CDKAL1: variants seen among roughly 807,000 people sequenced by gnomAD.
CDKAL1 encodes CDKAL1 threonylcarbamoyladenosine tRNA methylthiotransferase, also known as threonylcarbamoyladenosine tRNA methylthiotransferase.
Under a neutral mutation model 68.2 loss-of-function variants are expected in CDKAL1, and 32 were observed. That is an observed-to-expected ratio of 0.47 (90% CI 0.35 to 0.63). The LOEUF (loss-of-function observed/expected upper bound fraction) is 0.63, where lower values mean the gene tolerates loss of function less well. Ranked by LOEUF, CDKAL1 falls within the 30% of genes least tolerant of loss-of-function variation. The pLI, the probability that CDKAL1 is intolerant of heterozygous loss-of-function variation, is 0.00. For synonymous variants in CDKAL1, 234 were observed against 244.3 expected (o/e 0.96, Z 0.39); for missense variants, 606 against 696.7 (o/e 0.87, Z 1.47).
intron 13 of CDKAL1, among the ~76,000 whole-genome samples, chr6:21,172,504 C>T (rs779914922): frequency 4.5e-4 from 68 of 152,290 alleles, no homozygotes; most frequent in Non-Finnish European, 9.3e-4. Context: ...AATCCCAACA[C>T]TTTGGGAGGC....
intron 4 of CDKAL1, among the ~76,000 whole-genome samples, chr6:20,616,791 C>T (rs975475168): frequency 2.0e-5 from 3 of 149,894 alleles, no homozygotes; most frequent in African/African-American, 4.9e-5. Flanking sequence ...ATCATTTAGC[C>T]CAGGAGTTCG....
At chr6:20,944,775 T>C (rs945043877) in intron 9 of CDKAL1, among the ~76,000 whole-genome samples, 1 of 152,244 alleles carries the variant, frequency 6.6e-6, no homozygotes, top group Admixed American at 6.5e-5. Context: ...GGTCAAGTTA[T>C]AGAACTGGTT....
chr6:20,626,451 A>C (rs1447683185), intron 4 of CDKAL1, among the ~76,000 whole-genome samples: 1 of 152,226 alleles, frequency 6.6e-6, no homozygotes, highest in Non-Finnish European at 1.5e-5. Flanking sequence ...AATATATAAC[A>C]TGTAATGTCA....
At chr6:20,952,191 C>T (rs1185915285) in intron 9 of CDKAL1, among the ~76,000 whole-genome samples, 1 of 152,080 alleles carries the variant, frequency 6.6e-6, no homozygotes, top group Non-Finnish European at 1.5e-5. Flanking sequence ...ATCTCCTGAC[C>T]TCGTGATCTG....
At chr6:20,976,816 ATGT>A (rs1312447840) in intron 10 of CDKAL1, among the ~76,000 whole-genome samples, 2 of 152,188 alleles carry the variant, frequency 1.3e-5, no homozygotes, top group East Asian at 3.8e-4. Flanking sequence ...GAGCGTCACG[ATGT>A]TGTTGCATAT....
At chr6:20,967,564 G>A (rs1765380798) in intron 10 of CDKAL1, among the ~76,000 whole-genome samples, 1 of 152,074 alleles carries the variant, frequency 6.6e-6, no homozygotes, top group African/African-American at 2.4e-5. Context: ...ACATATATAT[G>A]CAGTGTATGC....
intron 10 of CDKAL1, among the ~76,000 whole-genome samples, chr6:20,958,995 T>C (rs1764920965): frequency 6.6e-6 from 1 of 152,226 alleles, no homozygotes; most frequent in Non-Finnish European, 1.5e-5. Flanking sequence ...GATACATCTA[T>C]TGAGAATACA....
chr6:20,825,352 G>A (rs550654397), intron 8 of CDKAL1, among the ~76,000 whole-genome samples: 34 of 152,182 alleles, frequency 2.2e-4, no homozygotes, highest in Admixed American at 1.5e-3. Context: ...TTTACAGTGG[G>A]TTCTGTTGAG....
At chr6:20,666,264 TG>T (rs532799300) in intron 5 of CDKAL1, among the ~76,000 whole-genome samples, 66 of 141,490 alleles carry the variant, frequency 4.7e-4, no homozygotes, top group African/African-American at 1.8e-3. Context: ...TATTGGTTTT[TG>T]CCCACTAGAT....
intron 8 of CDKAL1, among the ~76,000 whole-genome samples, chr6:20,843,742 G>C (rs868838601): frequency 4.6e-5 from 7 of 152,280 alleles, no homozygotes; most frequent in South Asian, 2.1e-4. Context: ...CAGATTTTCA[G>C]ATTAGGAATG....
chr6:21,223,671 A>G (rs150325001), intron 15 of CDKAL1, among the ~76,000 whole-genome samples: 127 of 152,326 alleles, frequency 8.3e-4, no homozygotes, highest in African/African-American at 2.9e-3. Flanking sequence ...TGACTAAAGG[A>G]GGCAAAGGAA....
chr6:20,683,017 C>G (rs1770454886), intron 5 of CDKAL1, among the ~76,000 whole-genome samples: 1 of 145,742 alleles, frequency 6.9e-6, no homozygotes, highest in Non-Finnish European at 1.5e-5. Context: ...CAGTGACTTT[C>G]ACAGGTGCAA....
At chr6:21,095,676 CTA>C (rs1463995688) in intron 12 of CDKAL1, among the ~76,000 whole-genome samples, 3 of 151,304 alleles carry the variant, frequency 2.0e-5, no homozygotes, top group African/African-American at 7.3e-5. Context: ...CATCCACTGG[CTA>C]TCTCTGTGTA....
chr6:20,803,554 A>G lies in CDKAL1; in HGVS notation c.638+22289A>G, dbSNP rs78406392. 3.3e-3 allele frequency among the ~76,000 whole-genome samples: 497 copies of G among 152,324 alleles called. 7 individuals carry two copies. The East Asian group carries it at 0.045, about 14-fold the overall frequency. On this transcript the variant is annotated intron_variant, in intron 8 of 15. Transcript: ENST00000274695. ...AACTAAAAATAAGCCATTGGCGGTG[A>G]TAGTAAAGTGTTCATGGTAACCTGA...
chr6:20,670,966 C>T (rs181668844), intron 5 of CDKAL1, among the ~76,000 whole-genome samples: 1 of 152,224 alleles, frequency 6.6e-6, no homozygotes, highest in East Asian at 1.9e-4. Flanking sequence ...TTTCACAATT[C>T]CAAACTGTGT....
chr6:20,541,944 G>A (rs1489319660), intron 2 of CDKAL1, among the ~76,000 whole-genome samples: 2 of 152,248 alleles, frequency 1.3e-5, no homozygotes, highest in East Asian at 3.8e-4. Flanking sequence ...ACTGGCGTGA[G>A]CCACCGTTTC....
chr6:21,031,236 GCCCATT>G (rs1402852880), intron 11 of CDKAL1, among the ~76,000 whole-genome samples: 1 of 150,588 alleles, frequency 6.6e-6, no homozygotes, highest in Non-Finnish European at 1.5e-5. Context: ...GCTCCTAGCA[GCCCATT>G]CCCATGTGAC....
chr6:20,570,186 C>A (rs566879934), intron 4 of CDKAL1, among the ~76,000 whole-genome samples: 162 of 152,142 alleles, frequency 1.1e-3, no homozygotes, highest in African/African-American at 3.8e-3. Flanking sequence ...TCACTGCAAC[C>A]TCTGCCTCTT....
chr6:21,227,894 CAA>C (rs897319328), intron 15 of CDKAL1, among the ~76,000 whole-genome samples: 7 of 152,304 alleles, frequency 4.6e-5, no homozygotes, highest in Admixed American at 4.6e-4. Context: ...CATCAGAAGT[CAA>C]AGAGTTTTGC....
Sources: allele counts gnomAD v4.1 joint callset (sites outside exome capture counted in the v4.1 genomes callset), GRCh38; gene constraint gnomAD v4.1.1; transcripts MANE v1.5; gene names NCBI Gene and HGNC (gene_info 2026-07-23, HGNC 2026-07-21).